The following NME5 variants were observed in gnomAD, a reference collection of about 807,000 sequenced individuals.
NME5 encodes the protein NME/NM23 family member 5.
In NME5, 18 loss-of-function variants were observed where a neutral mutation model predicts 21.6. The observed-to-expected ratio is 0.83, with a 90% CI of 0.58 to 1.24. NME5 has a LOEUF of 1.24. Ranked by LOEUF, NME5 falls within the 50% of genes most tolerant of loss-of-function variation. NME5 has a pLI of 0.00. For missense variants in NME5, 223 were observed against 255.4 expected (o/e 0.87, Z 0.86); for synonymous variants, 70 against 80.6 (o/e 0.87, Z 0.71).
At chr5:138,135,111 G>A (rs1011532602) in intron 2 of NME5, among the ~76,000 whole-genome samples, 11 of 149,030 alleles carry the variant, frequency 7.4e-5, no homozygotes, top group Non-Finnish European at 1.5e-4. Context: ...AAGGTCAGGA[G>A]ATCGAGACCA....
intron 4 of NME5, among the ~76,000 whole-genome samples, chr5:138,119,291 CAACTCCTG>C (rs1751232140): frequency 6.6e-6 from 1 of 152,104 alleles, no homozygotes. Flanking sequence ...CTGCAACCTC[CAACTCCTG>C]AGTTCAAGTG....
chr5:138,132,022 GGT>G (rs1257613333), intron 2 of NME5, among the ~76,000 whole-genome samples: 2 of 152,160 alleles, frequency 1.3e-5, no homozygotes, highest in Non-Finnish European at 2.9e-5. Context: ...TGGGATTACA[GGT>G]GTGAGCCACC....
chr5:138,127,758 C>T (rs1254268893), intron 4 of NME5: 2 of 773,460 alleles, frequency 2.6e-6, no homozygotes, highest in Non-Finnish European at 3.1e-6. Flanking sequence ...TTGCATGAGA[C>T]TTTGTTAGGC....
At position 138,115,705 on chromosome 5, in the gene NME5, A is replaced by C; in HGVS notation, c.615T>G (p.His205Gln). Residue 205 changes from histidine to glutamine, a missense_variant, in exon 6 of 6, where the codon CAT (histidine) becomes CAG (glutamine). Transcript: ENST00000265191. ...NNPNKPKLCH[H>Q]PIVEEPY ...TTTAATAAGGTTCTTCTACAATTGG[A>C]TGGTGACAAAGTTTGGGTTTGTTAG... 6.3e-7 allele frequency: 1 copy of C among 1,580,764 alleles called. No homozygotes were observed. The highest frequency in any genetic ancestry group is 8.6e-7 in the Non-Finnish European group (1 of 1,169,328).
intron 4 of NME5, among the ~76,000 whole-genome samples, chr5:138,120,299 T>G (rs1751258641): frequency 6.1e-5 from 9 of 146,484 alleles, no homozygotes; most frequent in Non-Finnish European, 1.2e-4. Context: ...AGTGCCGCGA[T>G]CTTGGCTCAC....
rs1231210950 is a variant in NME5, at chr5:138,115,448, A to G, written c.*233T>C. The G allele has an allele frequency of 6.1e-6, 2 of 325,244 alleles. No individual in the cohort carries two copies. The highest frequency in any genetic ancestry group is 1.1e-5 in the Non-Finnish European group (2 of 180,934). 20.1% of individuals were successfully genotyped at this position (325,244 alleles called of 1,614,324 possible). A position where few individuals can be genotyped will look rare whatever the true frequency, so the allele number is the denominator to read the frequency against. ...ACAAAAACATCTAGCAACATCTTAC[A>G]TGAGTTTTCCATTACCTAGTGTTAC... On this transcript the variant is annotated 3_prime_UTR_variant, in exon 6 of 6. Transcript: ENST00000265191.
chr5:138,136,421 A>T (rs1158446768), intron 2 of NME5, among the ~76,000 whole-genome samples: 1 of 152,126 alleles, frequency 6.6e-6, no homozygotes, highest in East Asian at 1.9e-4. Flanking sequence ...ATCTTTTCAT[A>T]TATTTAAAAA....
chr5:138,119,661 A>C (rs1257188014), intron 4 of NME5, among the ~76,000 whole-genome samples: 5 of 140,768 alleles, frequency 3.6e-5, no homozygotes, highest in African/African-American at 5.3e-5. Flanking sequence ...TCTTTTCTTT[A>C]TTTTTTTTTT....
At chr5:138,126,314 G>A (rs1751423953) in intron 4 of NME5, among the ~76,000 whole-genome samples, 1 of 151,358 alleles carries the variant, frequency 6.6e-6, no homozygotes, top group Non-Finnish European at 1.5e-5. Flanking sequence ...GTTCGAGACT[G>A]GCCTGGGAAA....
chr5:138,137,626 A>G lies in NME5; in HGVS notation c.129+1026T>C, dbSNP rs186954445. 3.0e-3 allele frequency among the ~76,000 whole-genome samples: 455 copies of G among 151,312 alleles called. 2 individuals are homozygous for G. Among genetic ancestry groups the G allele is most frequent in the Non-Finnish European group, 5.2e-3 (351 of 67,884 alleles). On this transcript the variant is annotated intron_variant, in intron 2 of 5. Coordinates refer to ENST00000265191, the MANE Select transcript of NME5 (RefSeq NM_003551.3). ...CCACCGTACCCGCCATTTTCTCTTT[A>G]TTTTTAAAAATACTGACTGAATAAG...
At chr5:138,128,351 C>A in intron 4 of NME5, 128 bp downstream of exon 4, 1 of 728,626 alleles carries the variant, frequency 1.4e-6, no homozygotes, top group Non-Finnish European at 2.2e-6. Context: ...GTAACTACAA[C>A]TTGAAAACAT....
In NME5 at chr5:138,128,548, T is replaced by C; in HGVS notation, c.367A>G (p.Arg123Gly). 6.2e-7 allele frequency: 1 copy of C among 1,612,334 alleles called. No homozygotes were observed. Among genetic ancestry groups the C allele is most frequent in the Non-Finnish European group, 8.5e-7 (1 of 1,179,482 alleles). ...LRAIYGTDDLRNALHGSNDFA... is the reference protein window; with the variant it reads ...LRAIYGTDDLGNALHGSNDFA... ...TCATTACTCCCATGAAGTGCATTCCTTAGGTCATCTGTGCCATAAATTGCC... is the reference window on the plus strand; with the variant it reads ...TCATTACTCCCATGAAGTGCATTCCCTAGGTCATCTGTGCCATAAATTGCC... Residue 123 changes from arginine to glycine, a missense_variant, in exon 4 of 6, where the codon AGG (arginine) becomes GGG (glycine). Transcript: ENST00000265191.
At chr5:138,128,360 A>T (rs374798546) in intron 4 of NME5, 119 bp downstream of exon 4, 6 of 768,566 alleles carry the variant, frequency 7.8e-6, no homozygotes, top group Non-Finnish European at 1.3e-5. Context: ...ACTTGAAAAC[A>T]TAACAAAATA....
chr5:138,129,135 C>G (rs533692274), intron 3 of NME5, 128 bp downstream of exon 3: 2 of 723,212 alleles, frequency 2.8e-6, no homozygotes, highest in Non-Finnish European at 4.6e-6. Flanking sequence ...CCTCTGCCCC[C>G]CAAAAAAGTT....
At position 138,128,618 on chromosome 5, in the gene NME5, G is replaced by T. The variant is rs766827601; in HGVS notation, c.336-39C>A. 15 of 1,411,948 alleles carry T rather than the reference G, an allele frequency of 1.1e-5. No individual in the cohort carries two copies. The South Asian group carries it at 1.7e-4, about 16-fold the overall frequency. 87.5% of individuals were successfully genotyped at this position (1,411,948 alleles called of 1,614,324 possible). A position where few individuals can be genotyped will look rare whatever the true frequency, so the allele number is the denominator to read the frequency against. On this transcript the variant is annotated intron_variant, in intron 3 of 5. Coordinates refer to ENST00000265191, the MANE Select transcript of NME5 (RefSeq NM_003551.3). ...AGAGATGACGTCCATCCAATCTAAC[G>T]TCTATTCCTTACTTTATATGCATGC...
intron 2 of NME5, among the ~76,000 whole-genome samples, chr5:138,129,934 G>C (rs1751522886): frequency 1.3e-5 from 2 of 152,218 alleles, no homozygotes; most frequent in South Asian, 4.1e-4. Flanking sequence ...TCCAGCCCGG[G>C]CGACAGAGAA....
chr5:138,129,378 T>C lies in NME5; in HGVS notation c.220A>G (p.Met74Val). Reference protein sequence around the residue: ...KMFFPNLTAYMSSGPLVAMIL... With the variant: ...KMFFPNLTAYVSSGPLVAMIL... ...ATGGCGACAAGTGGTCCAGAACTCA[T>C]GTAAGCTGTTAAGTTGGGGAAAAAC... Residue 74 changes from methionine to valine, a missense_variant, in exon 3 of 6, where the codon ATG becomes GTG. Coordinates refer to ENST00000265191, the MANE Select transcript of NME5 (RefSeq NM_003551.3). 6 of 1,614,056 alleles carry C rather than the reference T, an allele frequency of 3.7e-6. No homozygotes were observed. Among genetic ancestry groups the C allele is most frequent in the Non-Finnish European group, 5.1e-6 (6 of 1,179,932 alleles).
chr5:138,120,046 T>C (rs1751249242), intron 4 of NME5, among the ~76,000 whole-genome samples: 1 of 151,870 alleles, frequency 6.6e-6, no homozygotes, highest in African/African-American at 2.4e-5. Flanking sequence ...AAGCATCCTC[T>C]GGCTTCAGCC....
chr5:138,122,272 C>A (rs989125229), intron 4 of NME5, among the ~76,000 whole-genome samples: 3 of 151,408 alleles, frequency 2.0e-5, no homozygotes, highest in African/African-American at 7.3e-5. Context: ...AACCCTGTCT[C>A]TACTAAAAAT....
Sources: gnomAD v4.1 joint callset for allele counts (sites outside exome capture counted in the v4.1 genomes callset) on GRCh38, gnomAD v4.1.1 for gene constraint, MANE v1.5 for transcripts, NCBI Gene and HGNC (gene_info 2026-07-23, HGNC 2026-07-21) for gene names.